The following PSD3 variants were observed in gnomAD, a reference collection of about 807,000 sequenced individuals.
PSD3 encodes PH and SEC7 domain-containing protein 3.
Under a neutral mutation model 105.5 loss-of-function variants are expected in PSD3, and 49 were observed. That is an observed-to-expected ratio of 0.46 (90% CI 0.37 to 0.59). PSD3 has a LOEUF of 0.59. PSD3 is among the 20% of genes least tolerant of loss of function. PSD3 has a pLI of 0.00. For missense variants in PSD3, 1,561 were observed against 1,263.8 expected (o/e 1.24, Z -3.57); for synonymous variants, 557 against 457.8 (o/e 1.22, Z -2.77).
intron 8 of PSD3, among the ~76,000 whole-genome samples, chr8:18,766,212 T>C (rs1309125025): frequency 6.6e-6 from 1 of 151,828 alleles, no homozygotes; most frequent in African/African-American, 2.4e-5. Context: ...CAGGCGCCTG[T>C]AGTCCTAGCT....
At chr8:18,643,494 A>G (rs1389259207) in intron 10 of PSD3, among the ~76,000 whole-genome samples, 1 of 152,192 alleles carries the variant, frequency 6.6e-6, no homozygotes, top group African/African-American at 2.4e-5. Context: ...CCTTAGGCAA[A>G]TTTCCCACCA....
At chr8:18,566,532 A>C (rs1183531624) in intron 14 of PSD3, among the ~76,000 whole-genome samples, 1 of 145,354 alleles carries the variant, frequency 6.9e-6, no homozygotes, top group Non-Finnish European at 1.5e-5. Flanking sequence ...TCTCAAAAAA[A>C]AAAAAAAAAA....
At chr8:18,876,671 A>G (rs1817754174) in intron 2 of PSD3, among the ~76,000 whole-genome samples, 1 of 152,170 alleles carries the variant, frequency 6.6e-6, no homozygotes, top group South Asian at 2.1e-4. Context: ...AAGCGCTGGC[A>G]TTACAGACAT....
intron 1 of PSD3, among the ~76,000 whole-genome samples, chr8:19,009,894 A>G (rs779129449): frequency 1.3e-5 from 2 of 152,178 alleles, no homozygotes; most frequent in Non-Finnish European, 2.9e-5. Flanking sequence ...TTGTGTCAAC[A>G]ACAACAACAG....
intron 12 of PSD3, among the ~76,000 whole-genome samples, chr8:18,593,218 T>C (rs535141902): frequency 1.3e-3 from 205 of 152,302 alleles, no homozygotes; most frequent in Non-Finnish European, 2.5e-3. Context: ...TTTTCCAATC[T>C]ACTCATCTGA....
At chr8:19,011,684 G>A (rs964002604) in intron 1 of PSD3, among the ~76,000 whole-genome samples, 1 of 151,578 alleles carries the variant, frequency 6.6e-6, no homozygotes, top group Non-Finnish European at 1.5e-5. Context: ...GTTATTCTTT[G>A]GTCACAAATG....
At chr8:18,927,208 G>A (rs780849515) in intron 2 of PSD3, among the ~76,000 whole-genome samples, 4 of 151,942 alleles carry the variant, frequency 2.6e-5, no homozygotes, top group South Asian at 2.1e-4. Flanking sequence ...CTGTCCTTTC[G>A]GGTTTTTTTG....
chr8:18,752,900 G>T (rs1402223220), intron 9 of PSD3, among the ~76,000 whole-genome samples: 1 of 151,324 alleles, frequency 6.6e-6, no homozygotes, highest in South Asian at 2.1e-4. Context: ...AATTGCTTTT[G>T]ATTGCTTTTA....
At chr8:18,740,893 T>C (rs1416066121) in intron 9 of PSD3, among the ~76,000 whole-genome samples, 1 of 152,190 alleles carries the variant, frequency 6.6e-6, no homozygotes, top group African/African-American at 2.4e-5. Flanking sequence ...TCCACTAGAC[T>C]TTCCCAGTGA....
At chr8:18,921,507 T>A (rs936037609) in intron 2 of PSD3, among the ~76,000 whole-genome samples, 2 of 152,196 alleles carry the variant, frequency 1.3e-5, no homozygotes, top group Non-Finnish European at 2.9e-5. Context: ...GAGATCCTCA[T>A]GCTGGCAGAG....
intron 12 of PSD3, among the ~76,000 whole-genome samples, chr8:18,587,624 T>C (rs1803288583): frequency 6.6e-6 from 1 of 152,206 alleles, no homozygotes; most frequent in African/African-American, 2.4e-5. Context: ...GTCATGTTAA[T>C]TCCTCAGGGA....
At chr8:18,876,740 G>C (rs1354043327) in intron 2 of PSD3, among the ~76,000 whole-genome samples, 1 of 152,098 alleles carries the variant, frequency 6.6e-6, no homozygotes. Context: ...ACCTAGGAGT[G>C]AAATTTCTGG....
intron 11 of PSD3, among the ~76,000 whole-genome samples, chr8:18,626,784 T>C (rs932141476): frequency 3.3e-5 from 5 of 152,064 alleles, no homozygotes; most frequent in East Asian, 1.9e-4. Context: ...CCAGACATGA[T>C]TGAAAATCCA....
At chr8:18,556,182 A>G (rs374491314) in intron 15 of PSD3, 27 bp downstream of exon 15, 2 of 1,610,410 alleles carry the variant, frequency 1.2e-6, no homozygotes, top group Non-Finnish European at 8.5e-7. Flanking sequence ...AGAAATCAGC[A>G]TTTACTAACA....
intron 1 of PSD3, among the ~76,000 whole-genome samples, chr8:19,065,843 C>T (rs1335326521): frequency 1.3e-5 from 2 of 152,248 alleles, no homozygotes; most frequent in African/African-American, 4.8e-5. Flanking sequence ...CTCTCCCATC[C>T]CCAGAGGCTA....
intron 1 of PSD3, among the ~76,000 whole-genome samples, chr8:18,962,497 T>C (rs1403025948): frequency 6.6e-6 from 1 of 152,130 alleles, no homozygotes; most frequent in Non-Finnish European, 1.5e-5. Context: ...GGAGATAATA[T>C]TTTGGAAAAA....
intron 1 of PSD3, among the ~76,000 whole-genome samples, chr8:19,021,465 G>T (rs942593418): frequency 3.3e-5 from 5 of 150,574 alleles, no homozygotes; most frequent in Non-Finnish European, 7.4e-5. Flanking sequence ...CATAAATAAT[G>T]ACGTCTGGAA....
chr8:18,578,603 C>T (rs990335392), intron 12 of PSD3, among the ~76,000 whole-genome samples: 2 of 152,118 alleles, frequency 1.3e-5, no homozygotes, highest in East Asian at 3.9e-4. Flanking sequence ...CAATTGGTAG[C>T]TATTACTATT....
intron 2 of PSD3, among the ~76,000 whole-genome samples, 164 bp from the exon 3 acceptor site, chr8:18,872,897 C>A (rs575516008): frequency 6.6e-6 from 1 of 152,308 alleles, no homozygotes; most frequent in African/African-American, 2.4e-5. Flanking sequence ...CCTCATGACA[C>A]TACAGTGATC....
Sources: allele counts gnomAD v4.1 joint callset (sites outside exome capture counted in the v4.1 genomes callset), GRCh38; gene constraint gnomAD v4.1.1; transcripts MANE v1.5; gene names NCBI Gene and HGNC (gene_info 2026-07-23, HGNC 2026-07-21).